Variants in HDAC7 observed in about 807,000 individuals in gnomAD.
The protein encoded by HDAC7 is histone deacetylase 7A.
In HDAC7, 26 loss-of-function variants were observed where a neutral mutation model predicts 115.5. The ratio of observed to expected loss-of-function variants is 0.23; its 90% CI spans 0.16 to 0.31. The LOEUF (loss-of-function observed/expected upper bound fraction) is 0.31, where lower values mean the gene tolerates loss of function less well. Ranked by LOEUF, HDAC7 falls within the 10% of genes least tolerant of loss-of-function variation. The pLI, the probability that HDAC7 is intolerant of heterozygous loss-of-function variation, is 1.00. For missense variants in HDAC7, 1,068 were observed against 1,329.0 expected (o/e 0.80, Z 3.05); for synonymous variants, 564 against 550.9 (o/e 1.02, Z -0.33).
Position 47,802,208 on chromosome 12 carries a change from C to CG in HDAC7, c.70+15dup. On this transcript the variant is annotated intron_variant, in intron 2 of 25. Transcript: ENST00000080059. ...TTCCACTCCCTACCATGGACTCCCCCGGGTTTGACTCTTACCTGCGCCAGT... is the reference window on the plus strand; with the variant it reads ...TTCCACTCCCTACCATGGACTCCCCCGGGGTTTGACTCTTACCTGCGCCAGT... 6.2e-7 allele frequency: 1 copy of CG among 1,611,570 alleles called. No individual in the cohort carries two copies. Among genetic ancestry groups the CG allele is most frequent in the Non-Finnish European group, 8.5e-7 (1 of 1,178,972 alleles).
chr12:47,809,688 A>G (rs192813956), intron 1 of HDAC7, among the ~76,000 whole-genome samples: 67 of 152,056 alleles, frequency 4.4e-4, no homozygotes, highest in Middle Eastern at 6.8e-3. Flanking sequence ...CTCCTGCCTC[A>G]GCCTCCTAAG....
chr12:47,800,281 C>T (rs1944099769), intron 2 of HDAC7, among the ~76,000 whole-genome samples: 2 of 152,170 alleles, frequency 1.3e-5, no homozygotes. Context: ...GGGTTCTGGT[C>T]CTACCAAGGC....
intron 2 of HDAC7, among the ~76,000 whole-genome samples, chr12:47,800,546 G>A (rs1049455919): frequency 1.3e-5 from 2 of 152,194 alleles, no homozygotes; most frequent in Non-Finnish European, 2.9e-5. Context: ...TGGCTTTGAT[G>A]CCCCACCCCT....
chr12:47,787,588 C>CCTACA, intron 21 of HDAC7, 124 bp downstream of exon 21: 1 of 655,454 alleles, frequency 1.5e-6, no homozygotes, highest in Non-Finnish European at 2.7e-6. Flanking sequence ...CTGGCGTTCA[C>CCTACA]CTACAATGTC....
chr12:47,787,390 T>C (rs1269918550), intron 21 of HDAC7, among the ~76,000 whole-genome samples: 1 of 152,004 alleles, frequency 6.6e-6, no homozygotes, highest in Admixed American at 6.5e-5. Flanking sequence ...AGAAAAGTGT[T>C]TGAAGATCCA....
intron 18 of HDAC7, 84 bp downstream of exon 18, chr12:47,789,438 AG>A: frequency 6.3e-7 from 1 of 1,580,608 alleles, no homozygotes; most frequent in Non-Finnish European, 8.7e-7. Flanking sequence ...GAGAAAGCTC[AG>A]GGAAGAAGAG....
In HDAC7 at chr12:47,783,455, A is replaced by G. The variant is rs13632; in HGVS notation, c.*386T>C. The G allele has an allele frequency of 0.79, 199,269 of 253,640 alleles. 78,943 individuals carry two copies. The highest frequency in any genetic ancestry group is 0.93 in the East Asian group (10,590 of 11,404). The allele number at this position is 253,640 out of a possible 1,614,324, so 15.7% of individuals were successfully genotyped here. A position where few individuals can be genotyped will look rare whatever the true frequency, so the allele number is the denominator to read the frequency against. ...AGTTCACATTTCTGTGTGGAGCCTG[A>G]GGCTGTGTGCAAAGTCTGGGGTTTG... On this transcript the variant is annotated 3_prime_UTR_variant, in exon 26 of 26. Coordinates refer to ENST00000080059, the MANE Select transcript of HDAC7 (RefSeq NM_015401.5).
At chr12:47,801,583 T>G (rs1206169438) in intron 2 of HDAC7, among the ~76,000 whole-genome samples, 1 of 152,210 alleles carries the variant, frequency 6.6e-6, no homozygotes, top group East Asian at 1.9e-4. Flanking sequence ...CTCCCTGCTA[T>G]ATGGAATTAT....
In HDAC7 at chr12:47,787,078, G is replaced by A. The variant is rs374524171; in HGVS notation, c.2454-375C>T. Among the ~76,000 whole-genome samples the A allele has an allele frequency of 1.8e-4, 28 of 152,322 alleles. No homozygotes were observed. The South Asian group carries it at 3.7e-3, about 20-fold the overall frequency. ...GGTAATCTCACAGCCTTGCGGAGAT[G>A]GACTCTGGTCACAAAGCTTCAGGGA... On this transcript the variant is annotated intron_variant, in intron 21 of 25. Transcript: ENST00000080059.
chr12:47,795,222 G>T lies in HDAC7; in HGVS notation c.1246C>A (p.Arg416Ser). 6.2e-7 allele frequency: 1 copy of T among 1,612,902 alleles called. No homozygotes were observed. The highest frequency in any genetic ancestry group is 8.5e-7 in the Non-Finnish European group (1 of 1,179,340). The change falls in exon 11 of 26, where the codon CGC (arginine) becomes AGC (serine). Residue 416 changes from arginine (R) to serine (S), a missense_variant. Around this residue, in one of 6 missense-constraint regions of HDAC7, gnomAD observed 618 missense variants for 701.5 expected, o/e 0.88. Transcript: ENST00000080059. The surrounding 1 kb of genome is among the most constrained non-coding windows in gnomAD (Gnocchi z 4.3). ...APPPPGPMQPRLEQLKTHVQV... is the reference protein window; with the variant it reads ...APPPPGPMQPSLEQLKTHVQV... Reference sequence around the variant, plus strand: ...ACGTGAGTTTTGAGCTGCTCCAGGCGGGGCTGCATGGGGCCCGGCGGTGGG... The same window carrying T: ...ACGTGAGTTTTGAGCTGCTCCAGGCTGGGCTGCATGGGGCCCGGCGGTGGG...
chr12:47,790,726 G>T, intron 16 of HDAC7: 1 of 168,654 alleles, frequency 5.9e-6, no homozygotes, highest in South Asian at 1.4e-4. Context: ...GAGGGAGCGG[G>T]AAGCTCCCTT....
chr12:47,797,297 C>T lies in HDAC7; in HGVS notation c.577+87G>A. 3 of 1,323,864 alleles carry T rather than the reference C, an allele frequency of 2.3e-6. No individual in the cohort carries two copies. Among genetic ancestry groups the T allele is most frequent in the Non-Finnish European group, 3.2e-6 (3 of 941,398 alleles). 82.0% of individuals were successfully genotyped at this position (1,323,864 alleles called of 1,614,324 possible). On this transcript the variant is annotated intron_variant, in intron 6 of 25. Transcript: ENST00000080059. The surrounding 1 kb of genome is among the most constrained non-coding windows in gnomAD (Gnocchi z 5.5). Reference sequence around the variant, plus strand: ...CCGATGATCTCCTGGCCCAGCCCAGCCCGCCCACCCCTGCACACTCCTCCC... The same window carrying T: ...CCGATGATCTCCTGGCCCAGCCCAGTCCGCCCACCCCTGCACACTCCTCCC...
intron 1 of HDAC7, among the ~76,000 whole-genome samples, chr12:47,807,276 A>G (rs55900360): frequency 0.12 from 18,991 of 152,044 alleles, 1,272 homozygotes; most frequent in Middle Eastern, 0.17. Context: ...TCTCCCAACT[A>G]TGCTCTCTTC....
intron 24 of HDAC7, 98 bp downstream of exon 24, chr12:47,785,289 G>A: frequency 1.0e-6 from 1 of 983,104 alleles, no homozygotes; most frequent in Non-Finnish European, 1.5e-6. Flanking sequence ...CAGGTCACCT[G>A]GCTGGCACCG....
In HDAC7 at chr12:47,797,256, A is replaced by G; in HGVS notation, c.578-114T>C. 1.3e-6 allele frequency: 2 copies of G among 1,556,720 alleles called. No individual in the cohort carries two copies. The highest frequency in any genetic ancestry group is 1.8e-6 in the Non-Finnish European group (2 of 1,141,150). ...AAGGAAAGAGAAGGCAGAACTAGAA[A>G]GAAGATCCTAGCCTACCGATGATCT... On this transcript the variant is annotated intron_variant, in intron 6 of 25. Coordinates refer to ENST00000080059, the MANE Select transcript of HDAC7 (RefSeq NM_015401.5). The surrounding 1 kb of genome is among the most constrained non-coding windows in gnomAD (Gnocchi z 5.5).
chr12:47,791,752 C>A (rs1943534188), intron 14 of HDAC7, 46 bp from the exon 15 acceptor site: 1 of 1,605,760 alleles, frequency 6.2e-7, no homozygotes, highest in Admixed American at 1.7e-5. Context: ...CGCCCCTTCC[C>A]TCCCATCACC....
At chr12:47,796,910 C>T in intron 7 of HDAC7, 107 bp downstream of exon 7, 1 of 1,293,628 alleles carries the variant, frequency 7.7e-7, no homozygotes, top group Non-Finnish European at 1.0e-6. Context: ...TGCAACCACG[C>T]ATGGCAGTCC....
intron 8 of HDAC7, 41 bp from the exon 9 acceptor site, chr12:47,796,057 TCTA>T: frequency 2.6e-6 from 4 of 1,540,428 alleles, no homozygotes; most frequent in Non-Finnish European, 3.5e-6. Flanking sequence ...GTCCCAGACC[TCTA>T]CCCCGGCGCA....
intron 25 of HDAC7, 80 bp downstream of exon 25, chr12:47,783,999 T>C: frequency 2.5e-6 from 4 of 1,601,798 alleles, no homozygotes; most frequent in East Asian, 2.2e-5. Flanking sequence ...GGTGGCTGCA[T>C]AGCGGACCCG....
Sources: allele counts gnomAD v4.1 joint callset (sites outside exome capture counted in the v4.1 genomes callset), GRCh38; gene constraint gnomAD v4.1.1; regional missense constraint gnomAD v4.1.1; non-coding constraint Gnocchi (gnomAD v3.1); transcripts MANE v1.5; gene names NCBI Gene and HGNC (gene_info 2026-07-23, HGNC 2026-07-21).